Variants in INSRR observed in about 807,000 individuals in gnomAD.
The protein encoded by INSRR is insulin receptor related receptor, also known as insulin receptor-related protein.
In INSRR, 114 loss-of-function variants were observed where a neutral mutation model predicts 130.0. That is an observed-to-expected ratio of 0.88 (90% CI 0.75 to 1.02). The LOEUF (loss-of-function observed/expected upper bound fraction) is 1.02. Ranked by LOEUF, INSRR falls within the 50% of genes least tolerant of loss-of-function variation. INSRR has a pLI of 0.00. For synonymous variants in INSRR, 674 were observed against 705.2 expected, an observed-to-expected ratio of 0.96 and a Z score of 0.70; for missense variants, 1,657 against 1,735.2, an observed-to-expected ratio of 0.95 and a Z score of 0.80.
chr1:156,854,370 G>A lies in INSRR; in HGVS notation c.86-67C>T. On this transcript the variant is annotated intron_variant, in intron 1 of 21. Coordinates refer to ENST00000368195, the MANE Select transcript of INSRR (RefSeq NM_014215.3). The surrounding 1 kb of genome is among the most constrained non-coding windows in gnomAD (Gnocchi z 4.2). ...CCAAATTCCCCATCCAGCCCTGGCA[G>A]CTTTGGAGGGGAGCCACACTGGCAG... 3.5e-6 allele frequency: 5 copies of A among 1,448,028 alleles called. No homozygotes were observed. The South Asian group carries it at 6.7e-5, about 19-fold the overall frequency. 89.7% of individuals were successfully genotyped at this position (1,448,028 alleles called of 1,614,324 possible).
intron 2 of INSRR, 75 bp downstream of exon 2, chr1:156,853,677 C>T (rs1347454788): frequency 7.0e-7 from 1 of 1,421,404 alleles, no homozygotes; most frequent in African/African-American, 1.4e-5. Context: ...TGACCCACAC[C>T]ATCCTGTGGC....
In INSRR at chr1:156,851,630, CA is replaced by C. The variant is rs1655212208; in HGVS notation, c.1084+15del. On this transcript the variant is annotated intron_variant, in intron 4 of 21. Transcript: ENST00000368195. ...ATGACCAGGAGGAGGGGTGTGGCCC[CA>C]AAGTAGGTACTGACAGCCCTGGCGA... is the stretch of plus-strand genomic sequence containing the variant. 1 of 1,613,952 alleles carries C rather than the reference CA, an allele frequency of 6.2e-7. No homozygotes were observed. The highest frequency in any genetic ancestry group is 8.5e-7 in the Non-Finnish European group (1 of 1,179,984).
intron 1 of INSRR, among the ~76,000 whole-genome samples, chr1:156,855,164 G>T (rs1655362061): frequency 1.8e-5 from 1 of 56,422 alleles, no homozygotes; most frequent in South Asian, 5.8e-4. Flanking sequence ...GGCCTTCTCT[G>T]ACCATCCAAT....
Position 156,846,522 on chromosome 1 carries a change from C to T in INSRR, c.1807G>A (p.Ala603Thr). The T allele has an allele frequency of 6.2e-7, 1 of 1,612,516 alleles. No individual in the cohort carries two copies. Among genetic ancestry groups the T allele is most frequent in the South Asian group, 1.1e-5 (1 of 90,994 alleles). Residue 603 changes from alanine to threonine, a missense_variant, in exon 8 of 22, where the codon GCA (alanine) becomes ACA (threonine). Ala to Thr is a moderately conservative substitution (Grantham distance 58). Transcript: ENST00000368195. ...CTTGCACCCTCCAAATGCCTACCTG[C>T]AGGCAGCGTTCGGAGGTAGACGATG... Reference protein sequence around the residue: ...SPIVYLRTLPAAPTVPQDVIS... With the variant: ...SPIVYLRTLPTAPTVPQDVIS...
Position 156,841,548 on chromosome 1 carries a change from C to T in INSRR, c.3528-20G>A. Reference sequence around the variant, plus strand: ...AAGGACCTGGGGGCATGCAGGAGCTCCTGAGCCCAGCACCCTTCGTGCTAC... The same window carrying T: ...AAGGACCTGGGGGCATGCAGGAGCTTCTGAGCCCAGCACCCTTCGTGCTAC... On this transcript the variant is annotated intron_variant, in intron 20 of 21. Coordinates refer to ENST00000368195, the MANE Select transcript of INSRR (RefSeq NM_014215.3). 6.2e-7 allele frequency: 1 copy of T among 1,613,960 alleles called. No individual in the cohort carries two copies. The highest frequency in any genetic ancestry group is 8.5e-7 in the Non-Finnish European group (1 of 1,179,954).
chr1:156,849,058 C>T lies in INSRR; in HGVS notation c.1445-11G>A, dbSNP rs1369074208. 3.4e-5 allele frequency: 54 copies of T among 1,610,574 alleles called. No homozygotes were observed. Among genetic ancestry groups the T allele is most frequent in the Non-Finnish European group, 3.9e-5 (46 of 1,178,858 alleles). On this transcript the variant is annotated splice_polypyrimidine_tract_variant and intron_variant, in intron 6 of 21. Transcript: ENST00000368195. Reference sequence around the variant, plus strand: ...GGGTGCGAGTCTGGCCTGGGTGGGGCGAGGGGCCTGCTCGCAACCGCGCCT... The same window carrying T: ...GGGTGCGAGTCTGGCCTGGGTGGGGTGAGGGGCCTGCTCGCAACCGCGCCT...
At chr1:156,849,530 G>A (rs1215881201) in intron 5 of INSRR, 70 bp from the exon 6 acceptor site, 1 of 1,150,368 alleles carries the variant, frequency 8.7e-7, no homozygotes, top group Non-Finnish European at 1.3e-6. Flanking sequence ...GATGGCTTAT[G>A]GGTTCCTCCT....
chr1:156,855,176 T>TTATC lies in INSRR; in HGVS notation c.86-877_86-874dup, dbSNP rs142014665. 4.6e-3 allele frequency among the ~76,000 whole-genome samples: 662 copies of TTATC among 143,580 alleles called. 4 individuals carry two copies. The highest frequency in any genetic ancestry group is 0.039 in the East Asian group (188 of 4,768). 94.2% of individuals were successfully genotyped at this position (143,580 alleles called of 152,430 possible). A position where few individuals can be genotyped will look rare whatever the true frequency, so the allele number is the denominator to read the frequency against. On this transcript the variant is annotated intron_variant, in intron 1 of 21. Transcript: ENST00000368195. Reference sequence around the variant, plus strand: ...TGAGGCCTTCTCTGACCATCCAATTTTATCTATCTATCTATCTATCTATCT... The same window carrying TTATC: ...TGAGGCCTTCTCTGACCATCCAATTTTATCTATCTATCTATCTATCTATCTATCT...
rs752791999 is a variant in INSRR at position 156,842,507 on chromosome 1, AC to A, written c.3127del (p.Val1043CysfsTer19). The A allele has an allele frequency of 6.2e-7, 1 of 1,611,666 alleles. No individual in the cohort carries two copies. The highest frequency in any genetic ancestry group is 1.3e-5 in the African/African-American group (1 of 74,840). On this transcript the variant is annotated frameshift_variant and splice_region_variant, in exon 18 of 22. Transcript: ENST00000368195. LOFTEE classifies it high-confidence loss of function. ...CTGAGATACCACACCCAGGAGACGC[AC>A]CTGGGACAGACAAAGGGCCTAGCAG... Reference protein sequence around the residue: ...VMKAFKCHHVVRLLGVVSQGQ... With the variant: ...VMKAFKCHHVXRLLGVVSQGQ...
In INSRR at chr1:156,853,795, C is replaced by T; in HGVS notation, c.594G>A (p.Gly198=). ...GEPCAKTTFS[G]HTDYRCWTSS... is the part of the protein sequence containing the mutation. ...AGGTCCAGCATCTGTAGTCAGTGTG[C>T]CCGCTGAAGGTGGTCTTGGCACAGG... Residue 198 remains glycine (G), a synonymous_variant, in exon 2 of 22, where the codon GGG becomes GGA. Transcript: ENST00000368195. 1 of 1,610,308 alleles carries T rather than the reference C, an allele frequency of 6.2e-7. No individual in the cohort carries two copies. The highest frequency in any genetic ancestry group is 1.1e-5 in the South Asian group (1 of 90,942).
intron 19 of INSRR, 105 bp from the exon 20 acceptor site, chr1:156,841,899 C>A: frequency 1.3e-6 from 2 of 1,590,958 alleles, no homozygotes; most frequent in Non-Finnish European, 1.7e-6. Context: ...CCAGAGTCAC[C>A]AAGAACCCTG....
chr1:156,855,929 G>A (rs1184956569), intron 1 of INSRR, among the ~76,000 whole-genome samples: 3 of 151,960 alleles, frequency 2.0e-5, no homozygotes, highest in Admixed American at 1.3e-4. Flanking sequence ...GTGTGTGTGT[G>A]TGTGTGTGTT....
intron 1 of INSRR, among the ~76,000 whole-genome samples, chr1:156,855,212 T>TATCTATCTATCTATC (rs60194471): frequency 0.088 from 2,509 of 28,370 alleles, 26 homozygotes; most frequent in South Asian, 0.13. Context: ...ATCTATCTAT[T>TATCTATCTATCTATC]TATTTATTTG....
chr1:156,857,165 G>A (rs1274266374), intron 1 of INSRR, among the ~76,000 whole-genome samples: 3 of 30,318 alleles, frequency 9.9e-5, no homozygotes, highest in Non-Finnish European at 1.4e-4. Context: ...AGCTGTGTAT[G>A]TGTGTGTGTG....
chr1:156,848,905 C>A lies in INSRR; in HGVS notation c.1571+16G>T, dbSNP rs776757652. ...TCCGGTCCCGCCCCCGCTCCGGCCC[C>A]GCCCCCGGCACTCACGACTCCTTGT... On this transcript the variant is annotated intron_variant, in intron 7 of 21. Coordinates refer to ENST00000368195, the MANE Select transcript of INSRR (RefSeq NM_014215.3). The A allele has an allele frequency of 1.3e-6, 2 of 1,554,704 alleles. No individual in the cohort carries two copies. Among genetic ancestry groups the A allele is most frequent in the South Asian group, 1.2e-5 (1 of 84,364 alleles).
Position 156,846,567 on chromosome 1 carries a change from G to C in INSRR, c.1762C>G (p.His588Asp). Residue 588 changes from histidine (H) to aspartate (D), a missense_variant, in exon 8 of 22, where the codon CAT becomes GAT. By Grantham distance (81) the His-to-Asp change is moderately conservative (BLOSUM62 -1). Transcript: ENST00000368195. ...ITLTTEEDSP[H>D]QGAQSPIVYL... is the part of the protein sequence containing the mutation. The stretch of plus-strand genomic sequence containing the variant: ...ACGATGGGACTCTGGGCTCCTTGAT[G>C]AGGGCTGTCCTCCTCAGTGGTTAGC... 1 of 1,614,174 alleles carries C rather than the reference G, an allele frequency of 6.2e-7. No homozygotes were observed. The highest frequency in any genetic ancestry group is 8.5e-7 in the Non-Finnish European group (1 of 1,180,026).
chr1:156,857,278 T>G (rs1357033092), intron 1 of INSRR, among the ~76,000 whole-genome samples: 1 of 151,854 alleles, frequency 6.6e-6, no homozygotes, highest in Non-Finnish European at 1.5e-5. Context: ...AACACTTCTA[T>G]CCCTTCCAGG....
chr1:156,857,042 C>T (rs1655429027), intron 1 of INSRR, among the ~76,000 whole-genome samples: 2 of 152,050 alleles, frequency 1.3e-5, no homozygotes, highest in South Asian at 2.1e-4. Context: ...CTATCCAGGC[C>T]CCATTCCTGA....
In INSRR at chr1:156,842,137, G is replaced by C; in HGVS notation, c.3372C>G (p.Ser1124=). The change falls in exon 19 of 22, where the codon TCC becomes TCG. Residue 1124 remains serine, a synonymous_variant. Coordinates refer to ENST00000368195, the MANE Select transcript of INSRR (RefSeq NM_014215.3). ...RDLAARNCMV[S]QDFTVKIGDF... is the part of the protein sequence containing the mutation. ...CCCCGATCTTGACGGTGAAGTCCTG[G>C]GACACCATGCAGTTGCGGGCTGCTA... is the stretch of plus-strand genomic sequence containing the variant. 6.2e-7 allele frequency: 1 copy of C among 1,613,948 alleles called. No homozygotes were observed. The highest frequency in any genetic ancestry group is 8.5e-7 in the Non-Finnish European group (1 of 1,179,988).
Sources: allele counts gnomAD v4.1 joint callset (sites outside exome capture counted in the v4.1 genomes callset), GRCh38; gene constraint gnomAD v4.1.1; non-coding constraint Gnocchi (gnomAD v3.1); transcripts MANE v1.5; gene names NCBI Gene and HGNC (gene_info 2026-07-23, HGNC 2026-07-21).